EDA: variants seen among roughly 807,000 people sequenced by gnomAD.
EDA encodes ectodysplasin A.
In EDA, 2 loss-of-function variants were observed where a neutral mutation model predicts 23.6. That is an observed-to-expected ratio of 0.08 (90% CI 0.03 to 0.27). The LOEUF (loss-of-function observed/expected upper bound fraction) is 0.27, where lower values mean the gene tolerates loss of function less well. Among genes scored for constraint, EDA ranks in the 10% least tolerant of loss-of-function variants. The pLI is 1.00. For missense variants in EDA, 229 were observed against 324.2 expected (o/e 0.71, Z 2.26); for synonymous variants, 131 against 132.0 (o/e 0.99, Z 0.05).
intron 1 of EDA, among the ~76,000 whole-genome samples, chrX:69,836,652 G>T (rs2016783370): frequency 8.9e-6 from 1 of 112,260 alleles, no homozygotes; most frequent in Non-Finnish European, 1.9e-5. Context: ...GCTTCCCGTG[G>T]CTAGGAAAGG....
In EDA at chrX:69,943,858, A is replaced by G. The variant is rs150328313; in HGVS notation, c.397-13169A>G. ...AGGAACCTACTTGGTGATCTATTCT[A>G]CTGTGGCTGAGCTGACACCCAAAGT... On this transcript the variant is annotated intron_variant, in intron 1 of 7. Transcript: ENST00000374552. Among the ~76,000 whole-genome samples the G allele has an allele frequency of 8.0e-4, 88 of 109,854 alleles. 2 individuals are homozygous for G. In the East Asian group the frequency reaches 0.014, roughly 18 times the overall value.
intron 1 of EDA, among the ~76,000 whole-genome samples, chrX:69,830,316 T>C (rs962116326): frequency 8.0e-5 from 9 of 111,931 alleles, no homozygotes; most frequent in Non-Finnish European, 1.7e-4. Context: ...CCACACCTGC[T>C]AATCTAAGCT....
chrX:69,647,431 A>G (rs1050833110), intron 1 of EDA, among the ~76,000 whole-genome samples: 1 of 111,372 alleles, frequency 9.0e-6, no homozygotes, highest in African/African-American at 3.3e-5. Context: ...CTTATTTCAG[A>G]AAGATAGTCT....
chrX:70,027,562 C>T (rs2020125389), intron 3 of EDA, among the ~76,000 whole-genome samples: 2 of 111,736 alleles, frequency 1.8e-5, no homozygotes, highest in African/African-American at 6.5e-5. Context: ...GTGGCTCACG[C>T]CTGTAATCCC....
intron 1 of EDA, among the ~76,000 whole-genome samples, chrX:69,772,715 T>C (rs1444053247): frequency 8.1e-5 from 9 of 111,354 alleles, no homozygotes; most frequent in Non-Finnish European, 5.6e-5. Context: ...CTCCCACTTA[T>C]GAGTGAGAAA....
At chrX:70,000,685 C>T (rs899123633) in intron 2 of EDA, among the ~76,000 whole-genome samples, 2 of 112,301 alleles carry the variant, frequency 1.8e-5, no homozygotes, top group African/African-American at 6.5e-5. Flanking sequence ...TAGAGAATAT[C>T]TTACACTTGC....
chrX:69,889,963 G>A (rs968781623), intron 1 of EDA, among the ~76,000 whole-genome samples: 11 of 111,618 alleles, frequency 9.9e-5, no homozygotes, highest in Admixed American at 6.7e-4. Context: ...TTTTGTGTAT[G>A]GCATGAGGTA....
rs1602486070 is a variant in EDA at position 69,856,036 on chromosome X, C to G, written c.397-100991C>G. 2.7e-5 allele frequency among the ~76,000 whole-genome samples: 3 copies of G among 110,282 alleles called. No individual in the cohort carries two copies. In the South Asian group the frequency reaches 1.2e-3, roughly 43 times the overall value. ...GCACCTTATTTGTAGTCTTTTATCCCTCACCCCTCTCCCACACTTCCCCTC... is the reference window on the plus strand; with the variant it reads ...GCACCTTATTTGTAGTCTTTTATCCGTCACCCCTCTCCCACACTTCCCCTC... On this transcript the variant is annotated intron_variant, in intron 1 of 7. Coordinates refer to ENST00000374552, the MANE Select transcript of EDA (RefSeq NM_001399.5).
intron 1 of EDA, among the ~76,000 whole-genome samples, chrX:69,939,979 T>C (rs1263006052): frequency 8.9e-6 from 1 of 111,769 alleles, no homozygotes. Flanking sequence ...TGTCGTTGAA[T>C]TCAGTTTGCT....
chrX:69,677,735 GA>G (rs1290816902), intron 1 of EDA, among the ~76,000 whole-genome samples: 1 of 111,886 alleles, frequency 8.9e-6, no homozygotes, highest in African/African-American at 3.3e-5. Flanking sequence ...CCCTTTGTCA[GA>G]TGAGTAGGTT....
intron 1 of EDA, among the ~76,000 whole-genome samples, chrX:69,712,307 G>T (rs1381941614): frequency 9.0e-6 from 1 of 110,830 alleles, no homozygotes; most frequent in Non-Finnish European, 1.9e-5. Context: ...TTTAATTTTG[G>T]TTTCCACATG....
At chrX:69,912,909 A>G (rs2018289485) in intron 1 of EDA, among the ~76,000 whole-genome samples, 1 of 109,145 alleles carries the variant, frequency 9.2e-6, no homozygotes, top group Admixed American at 9.8e-5. Flanking sequence ...CTGGGACTAC[A>G]GTCACACACC....
At chrX:69,720,015 A>G (rs1230875196) in intron 1 of EDA, among the ~76,000 whole-genome samples, 1 of 111,033 alleles carries the variant, frequency 9.0e-6, no homozygotes, top group African/African-American at 3.3e-5. Context: ...CCCAAAGCGC[A>G]GGGATTACAG....
At chrX:69,678,712 G>T (rs1217781915) in intron 1 of EDA, among the ~76,000 whole-genome samples, 1 of 103,370 alleles carries the variant, frequency 9.7e-6, no homozygotes, top group Non-Finnish European at 2.0e-5. Flanking sequence ...TCAGCTTAAG[G>T]AGATTTTGGG....
At chrX:69,716,329 C>G (rs192162210) in intron 1 of EDA, among the ~76,000 whole-genome samples, 3 of 111,658 alleles carry the variant, frequency 2.7e-5, no homozygotes, top group Non-Finnish European at 5.6e-5. Flanking sequence ...AGAGGGATTC[C>G]TTTCACCATT....
At chrX:69,736,888 C>T (rs2013282670) in intron 1 of EDA, among the ~76,000 whole-genome samples, 1 of 108,210 alleles carries the variant, frequency 9.2e-6, no homozygotes, top group African/African-American at 3.4e-5. Flanking sequence ...TCTCCTGCCT[C>T]AGCCTCCTGA....
At chrX:70,016,646 A>G (rs2076883308) in intron 2 of EDA, among the ~76,000 whole-genome samples, 1 of 112,205 alleles carries the variant, frequency 8.9e-6, no homozygotes, top group Admixed American at 9.5e-5. Context: ...TAATGAAATT[A>G]AGCAGAAACC....
chrX:69,823,511 G>A (rs6625518), intron 1 of EDA, among the ~76,000 whole-genome samples: 18,453 of 61,572 alleles, frequency 0.3, 3,890 homozygotes, highest in East Asian at 0.74. Context: ...AGAAGTGTCT[G>A]TTCATATCCT....
intron 1 of EDA, among the ~76,000 whole-genome samples, chrX:69,951,416 C>A (rs1254374299): frequency 9.0e-6 from 1 of 111,226 alleles, no homozygotes; most frequent in Non-Finnish European, 1.9e-5. Context: ...GATACCGAAT[C>A]TCTGGTATTT....
Sources: allele counts gnomAD v4.1 joint callset (sites outside exome capture counted in the v4.1 genomes callset), GRCh38; gene constraint gnomAD v4.1.1; transcripts MANE v1.5; gene names NCBI Gene and HGNC (gene_info 2026-07-23, HGNC 2026-07-21).